LHFPL3: variants seen among roughly 807,000 people sequenced by gnomAD.
LHFPL3 encodes LHFPL tetraspan subfamily member 3 protein.
A neutral mutation model predicts 19.3 loss-of-function variants in LHFPL3; 5 were observed. That is an observed-to-expected ratio of 0.26 (90% CI 0.14 to 0.54). LHFPL3 has a LOEUF of 0.54. Among genes scored for constraint, LHFPL3 ranks in the 20% least tolerant of loss-of-function variants. The pLI, the probability that LHFPL3 is intolerant of heterozygous loss-of-function variation, is 0.94. For synonymous variants in LHFPL3, 133 were observed against 126.2 expected (o/e 1.05, Z -0.36); for missense variants, 249 against 307.4 (o/e 0.81, Z 1.42).
At chr7:104,584,139 T>A (rs535158137) in intron 1 of LHFPL3, among the ~76,000 whole-genome samples, 3 of 152,174 alleles carry the variant, frequency 2.0e-5, no homozygotes, top group South Asian at 4.2e-4. Flanking sequence ...TAAAAAATGA[T>A]GAGTTCATGT....
At position 104,742,313 on chromosome 7, in the gene LHFPL3, T is replaced by G. The variant is rs571294797; in HGVS notation, c.682+5402T>G. ...AATTGGGTCCTCTCCTGAACAATTT[T>G]AAAGTTACTTTGTCTTCTAGCACTT... is the stretch of plus-strand genomic sequence containing the variant. On this transcript the variant is annotated intron_variant, in intron 2 of 2. Transcript: ENST00000424859. Among the ~76,000 whole-genome samples, 5 of 152,374 alleles carry G rather than the reference T, an allele frequency of 3.3e-5. No individual in the cohort carries two copies. In the East Asian group the frequency reaches 9.6e-4, roughly 29 times the overall value.
chr7:104,565,300 T>A (rs1790097632), intron 1 of LHFPL3, among the ~76,000 whole-genome samples: 1 of 152,214 alleles, frequency 6.6e-6, no homozygotes, highest in Non-Finnish European at 1.5e-5. Flanking sequence ...AAATCATAAA[T>A]TTGAGTCCAC....
intron 2 of LHFPL3, among the ~76,000 whole-genome samples, chr7:104,781,045 T>G (rs1389205009): frequency 6.6e-6 from 1 of 152,150 alleles, no homozygotes; most frequent in East Asian, 1.9e-4. Context: ...AACCCCAGGT[T>G]AATCCAACTC....
chr7:104,595,566 A>G (rs1460103064), intron 1 of LHFPL3, among the ~76,000 whole-genome samples: 2 of 152,202 alleles, frequency 1.3e-5, no homozygotes, highest in African/African-American at 4.8e-5. Flanking sequence ...GCTCAAACAC[A>G]GTGCTGGGAG....
chr7:104,401,211 G>A (rs868201823), intron 1 of LHFPL3, among the ~76,000 whole-genome samples: 25 of 152,124 alleles, frequency 1.6e-4, no homozygotes, highest in Non-Finnish European at 4.4e-5. Context: ...AATAGAACAT[G>A]GCTCTTCTAG....
At chr7:104,797,787 G>C (rs1438762798) in intron 2 of LHFPL3, among the ~76,000 whole-genome samples, 1 of 151,856 alleles carries the variant, frequency 6.6e-6, no homozygotes, top group Non-Finnish European at 1.5e-5. Context: ...ATAGTGGCAT[G>C]TGCCTGTAGT....
chr7:104,500,410 G>A (rs1793578738), intron 1 of LHFPL3, among the ~76,000 whole-genome samples: 2 of 152,294 alleles, frequency 1.3e-5, no homozygotes, highest in South Asian at 4.1e-4. Flanking sequence ...AGCTGAAAAT[G>A]TCAACATTTC....
intron 1 of LHFPL3, among the ~76,000 whole-genome samples, chr7:104,584,049 G>A (rs531096381): frequency 2.0e-5 from 3 of 152,114 alleles, no homozygotes; most frequent in South Asian, 2.1e-4. Flanking sequence ...CAAAGACTTG[G>A]AACCAACCCA....
At chr7:104,868,793 A>G (rs1004759732) in intron 2 of LHFPL3, among the ~76,000 whole-genome samples, 1 of 152,064 alleles carries the variant, frequency 6.6e-6, no homozygotes, top group Non-Finnish European at 1.5e-5. Context: ...AAAGAACAAA[A>G]CTGGAGGCAT....
intron 2 of LHFPL3, among the ~76,000 whole-genome samples, chr7:104,819,934 C>A (rs1392706915): frequency 1.3e-5 from 2 of 152,126 alleles, no homozygotes; most frequent in Non-Finnish European, 2.9e-5. Context: ...AGGGCAAATA[C>A]GATCAAAGCA....
At chr7:104,438,636 A>G (rs1232197740) in intron 1 of LHFPL3, among the ~76,000 whole-genome samples, 1 of 152,214 alleles carries the variant, frequency 6.6e-6, no homozygotes, top group South Asian at 2.1e-4. Context: ...TTATGCTTAC[A>G]TTAGAAAGGA....
At chr7:104,523,980 T>C (rs1794133394) in intron 1 of LHFPL3, among the ~76,000 whole-genome samples, 1 of 152,234 alleles carries the variant, frequency 6.6e-6, no homozygotes, top group Non-Finnish European at 1.5e-5. Context: ...TGCCGTCAAT[T>C]AATCTGTAAA....
intron 1 of LHFPL3, among the ~76,000 whole-genome samples, chr7:104,530,142 G>T (rs1399730956): frequency 6.6e-6 from 1 of 152,152 alleles, no homozygotes; most frequent in Non-Finnish European, 1.5e-5. Context: ...AAAGATGATA[G>T]GACTGACTAA....
chr7:104,861,424 G>A (rs1791617131), intron 2 of LHFPL3, among the ~76,000 whole-genome samples: 1 of 152,208 alleles, frequency 6.6e-6, no homozygotes, highest in African/African-American at 2.4e-5. Context: ...ACCAGCAGGA[G>A]ACAGATGGCA....
chr7:104,879,605 G>C (rs1348132697), intron 2 of LHFPL3, among the ~76,000 whole-genome samples: 1 of 152,166 alleles, frequency 6.6e-6, no homozygotes, highest in East Asian at 1.9e-4. Context: ...CACACTTGTA[G>C]TCCTAGCTAC....
chr7:104,445,977 G>C (rs1007491660), intron 1 of LHFPL3, among the ~76,000 whole-genome samples: 1 of 152,122 alleles, frequency 6.6e-6, no homozygotes, highest in Non-Finnish European at 1.5e-5. Context: ...TGAAAGTCAA[G>C]TGTTACAAGA....
chr7:104,543,903 TATAATAATAATAATA>T (rs199906129), intron 1 of LHFPL3, among the ~76,000 whole-genome samples: 5 of 145,376 alleles, frequency 3.4e-5, no homozygotes, highest in Non-Finnish European at 7.5e-5. Flanking sequence ...TACCCCAAAA[TATAATAATAATAATA>T]ATAATAATAA....
intron 2 of LHFPL3, among the ~76,000 whole-genome samples, chr7:104,757,394 A>G (rs1794304925): frequency 6.6e-6 from 1 of 152,218 alleles, no homozygotes; most frequent in African/African-American, 2.4e-5. Flanking sequence ...GCACAGCAAA[A>G]GAAACTATCA....
chr7:104,591,507 T>C (rs1790722114), intron 1 of LHFPL3, among the ~76,000 whole-genome samples: 1 of 152,228 alleles, frequency 6.6e-6, no homozygotes, highest in South Asian at 2.1e-4. Flanking sequence ...TGGGCTTCCC[T>C]TTGTGGGTAA....
Sources: gnomAD v4.1 joint callset for allele counts (sites outside exome capture counted in the v4.1 genomes callset) on GRCh38, gnomAD v4.1.1 for gene constraint, MANE v1.5 for transcripts, NCBI Gene and HGNC (gene_info 2026-07-23, HGNC 2026-07-21) for gene names.